LRP1B: variants seen among roughly 807,000 people sequenced by gnomAD.
LRP1B encodes low-density lipoprotein receptor-related protein 1B.
LRP1B carries 217 observed loss-of-function variants against 556.6 expected under a neutral mutation model. The ratio of observed to expected loss-of-function variants is 0.39; its 90% CI spans 0.35 to 0.44. The LOEUF is 0.44. Among genes scored for constraint, LRP1B ranks in the 20% least tolerant of loss-of-function variants. The pLI, the probability that LRP1B is intolerant of heterozygous loss-of-function variation, is 1.00. For missense variants in LRP1B, 5,053 were observed against 5,620.8 expected, an observed-to-expected ratio of 0.90 and a Z score of 3.23; for synonymous variants, 2,047 against 1,865.8, an observed-to-expected ratio of 1.10 and a Z score of -2.50.
chr2:141,545,667 G>C (rs1336031637), intron 2 of LRP1B, among the ~76,000 whole-genome samples: 1 of 152,066 alleles, frequency 6.6e-6, no homozygotes, highest in Non-Finnish European at 1.5e-5. Flanking sequence ...AACATAGTGA[G>C]AGCCAATCTC....
At position 140,935,849 on chromosome 2, in the gene LRP1B, T is replaced by C. The variant is rs570453079; in HGVS notation, c.3137-12702A>G. 2.6e-5 allele frequency among the ~76,000 whole-genome samples: 4 copies of C among 152,092 alleles called. No homozygotes were observed. The East Asian group carries it at 5.8e-4, about 22-fold the overall frequency. ...GCTTGGATGGCAGTGTGGGCTGATA[T>C]GTATATCCAAGTTTCTGGTGAGAAA... On this transcript the variant is annotated intron_variant, in intron 20 of 90. Transcript: ENST00000389484.
intron 2 of LRP1B, among the ~76,000 whole-genome samples, chr2:141,491,417 CAGAAT>C (rs1683330684): frequency 6.6e-6 from 1 of 152,100 alleles, no homozygotes; most frequent in Non-Finnish European, 1.5e-5. Flanking sequence ...TTCAGAAATA[CAGAAT>C]AGAAGATAAG....
chr2:140,979,146 T>A, intron 18 of LRP1B, among the ~76,000 whole-genome samples: 1 of 151,972 alleles, frequency 6.6e-6, no homozygotes, highest in East Asian at 1.9e-4. Context: ...CACCGGCTTA[T>A]TTTTGTATAT....
intron 2 of LRP1B, among the ~76,000 whole-genome samples, chr2:141,560,598 C>T (rs1686112134): frequency 6.6e-6 from 1 of 151,474 alleles, no homozygotes; most frequent in South Asian, 2.1e-4. Context: ...TATGTTTTAG[C>T]ACACTGATGA....
intron 2 of LRP1B, among the ~76,000 whole-genome samples, chr2:141,542,084 T>C (rs1417942593): frequency 2.0e-5 from 3 of 151,986 alleles, no homozygotes; most frequent in Admixed American, 1.3e-4. Context: ...TAAACAAATA[T>C]GAAATGATGG....
At chr2:141,322,062 CATTG>C (rs1374691653) in intron 3 of LRP1B, among the ~76,000 whole-genome samples, 1 of 152,018 alleles carries the variant, frequency 6.6e-6, no homozygotes, top group Non-Finnish European at 1.5e-5. Context: ...TTAACAGTGA[CATTG>C]ATTATTGATG....
chr2:141,583,271 A>T (rs72978015), intron 2 of LRP1B, among the ~76,000 whole-genome samples: 4,300 of 152,312 alleles, frequency 0.028, 221 homozygotes, highest in African/African-American at 0.095. Flanking sequence ...TAAATGAATA[A>T]AGCAAATAAA....
intron 3 of LRP1B, among the ~76,000 whole-genome samples, chr2:141,437,513 C>T (rs1006267725): frequency 3.3e-5 from 5 of 151,904 alleles, no homozygotes; most frequent in African/African-American, 7.2e-5. Context: ...TGGTCACCAG[C>T]CTGTATTTAT....
intron 7 of LRP1B, among the ~76,000 whole-genome samples, chr2:141,143,450 T>G (rs971980380): frequency 5.3e-5 from 8 of 152,178 alleles, no homozygotes; most frequent in Admixed American, 2.0e-4. Flanking sequence ...ATAATCTGGT[T>G]AATTTATTTA....
At position 141,208,572 on chromosome 2, in the gene LRP1B, A is replaced by C. The variant is rs57527539; in HGVS notation, c.851-19989T>G. On this transcript the variant is annotated intron_variant, in intron 6 of 90. Transcript: ENST00000389484. ...CCACAGATGCAGTAAATATATTAAA[A>C]AGGGATGGGAGTGGCTGGGCGCGGG... 5.0e-3 allele frequency among the ~76,000 whole-genome samples: 760 copies of C among 152,198 alleles called. 11 individuals carry two copies. The highest frequency in any genetic ancestry group is 0.017 in the African/African-American group (720 of 41,534).
chr2:141,602,630 T>C (rs1269090244), intron 2 of LRP1B, among the ~76,000 whole-genome samples: 1 of 152,172 alleles, frequency 6.6e-6, no homozygotes, highest in Non-Finnish European at 1.5e-5. Context: ...AAAAAATCCT[T>C]CTTCAGACAA....
intron 7 of LRP1B, among the ~76,000 whole-genome samples, chr2:141,114,045 G>A (rs553855982): frequency 1.1e-3 from 163 of 152,294 alleles, no homozygotes; most frequent in African/African-American, 3.6e-3. Flanking sequence ...AAAATGTCAC[G>A]AATTATGGTG....
chr2:140,718,817 CTAAAA>C (rs1687298487), intron 35 of LRP1B, among the ~76,000 whole-genome samples: 1 of 151,918 alleles, frequency 6.6e-6, no homozygotes, highest in Non-Finnish European at 1.5e-5. Flanking sequence ...CTTCCTGTTC[CTAAAA>C]TAAAATATTC....
chr2:141,253,452 A>T (rs1199230730), intron 4 of LRP1B, among the ~76,000 whole-genome samples: 1 of 152,134 alleles, frequency 6.6e-6, no homozygotes, highest in African/African-American at 2.4e-5. Flanking sequence ...GCAAACAACA[A>T]ACTAAAATTC....
intron 2 of LRP1B, among the ~76,000 whole-genome samples, chr2:141,673,808 C>T (rs914293705): frequency 5.9e-5 from 9 of 151,902 alleles, no homozygotes; most frequent in Non-Finnish European, 1.2e-4. Context: ...CATCATCTAC[C>T]TAAATTGTCC....
Position 140,444,452 on chromosome 2 carries a change from A to G in LRP1B, c.10175-3T>C, listed in dbSNP as rs899161436. The stretch of plus-strand genomic sequence containing the variant: ...ACCTGACAGGCAGACATGTGTGTCT[A>G]GAACATAGAAGGAGAGAGAGAGAGA... On this transcript the variant is annotated splice_polypyrimidine_tract_variant and splice_region_variant and intron_variant, in intron 64 of 90. Coordinates refer to ENST00000389484, the MANE Select transcript of LRP1B (RefSeq NM_018557.3). The G allele has an allele frequency of 6.2e-6, 10 of 1,613,860 alleles. No homozygotes were observed. In the African/African-American group the frequency reaches 9.3e-5, roughly 15 times the overall value.
At chr2:141,548,521 T>C (rs1224339559) in intron 2 of LRP1B, among the ~76,000 whole-genome samples, 1 of 152,140 alleles carries the variant, frequency 6.6e-6, no homozygotes, top group Non-Finnish European at 1.5e-5. Context: ...ACCTTTGAGG[T>C]TTTTTGCCCT....
Position 140,907,529 on chromosome 2 carries a change from A to T in LRP1B, c.3520+348T>A, listed in dbSNP as rs543375471. Among the ~76,000 whole-genome samples, 4 of 152,286 alleles carry T rather than the reference A, an allele frequency of 2.6e-5. No homozygotes were observed. In the East Asian group the frequency reaches 7.7e-4, roughly 29 times the overall value. ...TAGGGTGGTGGTGAGTTCCATCCGT[A>T]GATGAGGAACAACAAGTTTTCCTTG... On this transcript the variant is annotated intron_variant, in intron 22 of 90. Transcript: ENST00000389484.
chr2:140,959,624 T>C (rs1188253910), intron 18 of LRP1B, among the ~76,000 whole-genome samples: 1 of 151,722 alleles, frequency 6.6e-6, no homozygotes, highest in Non-Finnish European at 1.5e-5. Context: ...AAATCAACAA[T>C]GATTAATTTA....
Sources: allele counts gnomAD v4.1 joint callset (sites outside exome capture counted in the v4.1 genomes callset), GRCh38; gene constraint gnomAD v4.1.1; transcripts MANE v1.5; gene names NCBI Gene and HGNC (gene_info 2026-07-23, HGNC 2026-07-21).